ANK3: variants seen among roughly 807,000 people sequenced by gnomAD.
The protein encoded by ANK3 is ankyrin-3.
A neutral mutation model predicts 370.9 loss-of-function variants in ANK3; 57 were observed. The ratio of observed to expected loss-of-function variants is 0.15; its 90% CI spans 0.12 to 0.19. The LOEUF is 0.19. Among genes scored for constraint, ANK3 ranks in the 10% least tolerant of loss-of-function variants. ANK3 has a pLI of 1.00. For missense variants in ANK3, 4,439 were observed against 5,302.1 expected, an observed-to-expected ratio of 0.84 and a Z score of 5.06; for synonymous variants, 1,929 against 1,946.3, an observed-to-expected ratio of 0.99 and a Z score of 0.23.
chr10:60,347,683 C>T (rs2055910955), intron 1 of ANK3, among the ~76,000 whole-genome samples: 1 of 151,958 alleles, frequency 6.6e-6, no homozygotes, highest in South Asian at 2.1e-4. Flanking sequence ...AAATCTATTG[C>T]TTTTTTCTTA....
chr10:60,059,134 A>G (rs926735276), intron 41 of ANK3, among the ~76,000 whole-genome samples: 1 of 152,194 alleles, frequency 6.6e-6, no homozygotes, highest in Non-Finnish European at 1.5e-5. Context: ...ATTTTCTTGT[A>G]TTTTATTTCA....
chr10:60,063,374 ATC>A, intron 39 of ANK3, 120 bp from the exon 40 acceptor site: 1 of 907,286 alleles, frequency 1.1e-6, no homozygotes, highest in Non-Finnish European at 1.6e-6. Context: ...TTCTTACTCC[ATC>A]TCTGCAATCT....
In ANK3 at chr10:60,072,199, C is replaced by A; in HGVS notation, c.8682G>T (p.Lys2894Asn). ...TCTCAGTCACAGACATAAATTCATT[C>A]TTTTGATCAACACTTTTACTCTCAG... ...GHPESKSVDQ[K>N]NEFMSVTERE... is the part of the protein sequence containing the mutation. The change falls in exon 37 of 44, where the codon AAG becomes AAT. Residue 2894 changes from lysine (K) to asparagine (N), a missense_variant. By Grantham distance (94) the Lys-to-Asn change is moderately conservative. Around this residue, in one of 13 missense-constraint regions of ANK3, gnomAD observed 1,601 missense variants for 1,731.7 expected, o/e 0.92. Transcript: ENST00000280772. 6.2e-7 allele frequency: 1 copy of A among 1,613,810 alleles called. No homozygotes were observed. The highest frequency in any genetic ancestry group is 8.5e-7 in the Non-Finnish European group (1 of 1,179,952).
intron 1 of ANK3, among the ~76,000 whole-genome samples, chr10:60,311,612 G>T (rs1268630655): frequency 6.6e-6 from 1 of 151,946 alleles, no homozygotes; most frequent in Non-Finnish European, 1.5e-5. Flanking sequence ...CTCTGGTCTG[G>T]TCTCACCTAG....
At chr10:60,450,012 A>T (rs1170881772) in intron 2 of ANK3, among the ~76,000 whole-genome samples, 5 of 152,114 alleles carry the variant, frequency 3.3e-5, no homozygotes, top group Admixed American at 3.3e-4. Context: ...GAAAAAGATA[A>T]AGAGGCTGGG....
At chr10:60,288,190 C>A (rs1289431548) in intron 1 of ANK3, among the ~76,000 whole-genome samples, 1 of 152,120 alleles carries the variant, frequency 6.6e-6, no homozygotes, top group Non-Finnish European at 1.5e-5. Flanking sequence ...CTCACTTTCC[C>A]TCCCCGACCA....
intron 1 of ANK3, among the ~76,000 whole-genome samples, chr10:60,309,926 T>C (rs1436891606): frequency 1.4e-5 from 2 of 142,496 alleles, no homozygotes; most frequent in Non-Finnish European, 3.0e-5. Context: ...TTTTTTCTTT[T>C]TTTTTTTTTT....
At chr10:60,412,546 T>C (rs544336410) in intron 2 of ANK3, among the ~76,000 whole-genome samples, 22 of 152,302 alleles carry the variant, frequency 1.4e-4, no homozygotes, top group African/African-American at 5.3e-4. Flanking sequence ...TGAGCCAATT[T>C]CTGACAACAA....
In ANK3 at chr10:60,146,682, T is replaced by C. The variant is rs138828457; in HGVS notation, c.2615-7595A>G. Among the ~76,000 whole-genome samples, 1,143 of 152,176 alleles carry C rather than the reference T, an allele frequency of 7.5e-3. 14 individuals are homozygous for C. Among genetic ancestry groups the C allele is most frequent in the African/African-American group, 0.026 (1,091 of 41,500 alleles). On this transcript the variant is annotated intron_variant, in intron 23 of 43. Transcript: ENST00000280772. ...TTTTGTGTTTTTAGTAGAGACAGGG[T>C]TCCACCATATTGGCCAGGCTGGTGT... is the stretch of plus-strand genomic sequence containing the variant.
chr10:60,237,477 C>A (rs1054821865), intron 7 of ANK3, among the ~76,000 whole-genome samples: 1 of 152,168 alleles, frequency 6.6e-6, no homozygotes. Flanking sequence ...TTATCACAAA[C>A]AGGCTAAGTT....
intron 43 of ANK3, among the ~76,000 whole-genome samples, chr10:60,033,845 A>G (rs1286839992): frequency 1.3e-5 from 2 of 152,092 alleles, no homozygotes; most frequent in South Asian, 2.1e-4. Flanking sequence ...ACTTGGTTGC[A>G]CATTAGACTT....
intron 1 of ANK3, among the ~76,000 whole-genome samples, chr10:60,709,623 G>A (rs935848381): frequency 6.6e-6 from 1 of 152,024 alleles, no homozygotes; most frequent in African/African-American, 2.4e-5. Context: ...CCAAGCGTTT[G>A]AGACCAGCCT....
chr10:60,275,355 TG>T (rs2098073196), intron 4 of ANK3, among the ~76,000 whole-genome samples: 1 of 152,198 alleles, frequency 6.6e-6, no homozygotes, highest in Admixed American at 6.5e-5. Context: ...TACTGAGGCA[TG>T]CTGTCTAATA....
At chr10:60,308,724 A>G (rs1037445555) in intron 1 of ANK3, among the ~76,000 whole-genome samples, 2 of 152,030 alleles carry the variant, frequency 1.3e-5, no homozygotes, top group Admixed American at 1.3e-4. Context: ...ACCATCCAAA[A>G]CCCAGCGATA....
In ANK3 at chr10:60,440,859, A is replaced by G. The variant is rs144341590; in HGVS notation, c.97-161220T>C. ...TAGGAAGTAATGTGTGTGAGGTGGC[A>G]TATAGCCTCAACAATTGGAACTAAC... On this transcript the variant is annotated intron_variant, in intron 2 of 43. Coordinates refer to the ANK3 transcript ENST00000373827. Among the ~76,000 whole-genome samples, 1,139 of 152,316 alleles carry G rather than the reference A, an allele frequency of 7.5e-3. 45 individuals carry two copies. Among genetic ancestry groups the G allele is most frequent in the Admixed American group, 0.066 (1,005 of 15,294 alleles).
intron 43 of ANK3, among the ~76,000 whole-genome samples, chr10:60,032,191 C>CTTCTTTT (rs2073764804): frequency 1.7e-5 from 1 of 57,936 alleles, no homozygotes; most frequent in African/African-American, 6.1e-5. Flanking sequence ...AAATACACAG[C>CTTCTTTT]TTCTTTTTTT....
chr10:60,147,827 C>T (rs1192674532), intron 23 of ANK3, among the ~76,000 whole-genome samples: 2 of 152,148 alleles, frequency 1.3e-5, no homozygotes, highest in Admixed American at 1.3e-4. Flanking sequence ...GTACAGCCTG[C>T]AGAACCATGA....
At chr10:60,492,728 AGAAAG>A (rs2075548630) in intron 2 of ANK3, among the ~76,000 whole-genome samples, 1 of 140,162 alleles carries the variant, frequency 7.1e-6, no homozygotes, top group African/African-American at 2.7e-5. Context: ...AAAAAAAGAA[AGAAAG>A]AAAGAAAAAA....
intron 2 of ANK3, among the ~76,000 whole-genome samples, chr10:60,414,290 G>A (rs2063617402): frequency 6.6e-6 from 1 of 152,106 alleles, no homozygotes. Context: ...TCCTGCTGGG[G>A]AGGGCAGCAC....
Sources: gnomAD v4.1 joint callset for allele counts (sites outside exome capture counted in the v4.1 genomes callset) on GRCh38, gnomAD v4.1.1 for gene constraint, gnomAD v4.1.1 regional missense constraint, MANE v1.5 for transcripts, NCBI Gene and HGNC (gene_info 2026-07-23, HGNC 2026-07-21) for gene names.